The following PARD3B variants were observed in gnomAD, a reference collection of about 807,000 sequenced individuals.
PARD3B encodes the protein par-3 family cell polarity regulator beta.
In PARD3B, 103 loss-of-function variants were observed where a neutral mutation model predicts 130.2. That is an observed-to-expected ratio of 0.79 (90% confidence interval 0.67 to 0.93). The LOEUF (loss-of-function observed/expected upper bound fraction) is 0.93. PARD3B is among the 40% of genes least tolerant of loss of function. The pLI, the probability that PARD3B is intolerant of heterozygous loss-of-function variation, is 0.00. For missense variants in PARD3B, 1,609 were observed against 1,499.2 expected (o/e 1.07, Z -1.21); for synonymous variants, 583 against 553.2 (o/e 1.05, Z -0.76).
intron 1 of PARD3B, among the ~76,000 whole-genome samples, chr2:204,658,235 G>A (rs1008749691): frequency 6.6e-6 from 1 of 152,096 alleles, no homozygotes; most frequent in Non-Finnish European, 1.5e-5. Context: ...GATCCTTCAA[G>A]TCAAACTATT....
intron 2 of PARD3B, among the ~76,000 whole-genome samples, chr2:204,803,764 C>G (rs936913087): frequency 6.6e-6 from 1 of 152,048 alleles, no homozygotes; most frequent in African/African-American, 2.4e-5. Flanking sequence ...ACCACATTCA[C>G]TAAAACGAAG....
At chr2:204,975,933 C>T (rs1478923989) in intron 3 of PARD3B, among the ~76,000 whole-genome samples, 1 of 152,128 alleles carries the variant, frequency 6.6e-6, no homozygotes, top group Non-Finnish European at 1.5e-5. Context: ...CCTTTAAAAA[C>T]TTAAATTTAT....
At chr2:204,608,864 G>A (rs1378607924) in intron 1 of PARD3B, among the ~76,000 whole-genome samples, 2 of 152,186 alleles carry the variant, frequency 1.3e-5, no homozygotes, top group Non-Finnish European at 2.9e-5. Flanking sequence ...TTACTGTGTT[G>A]TGGGTGAGAG....
intron 2 of PARD3B, among the ~76,000 whole-genome samples, chr2:204,959,107 C>T (rs1274662948): frequency 6.6e-6 from 1 of 151,990 alleles, no homozygotes; most frequent in Non-Finnish European, 1.5e-5. Flanking sequence ...AGGTGTTTGT[C>T]GTGATGCTCT....
intron 1 of PARD3B, among the ~76,000 whole-genome samples, chr2:204,681,456 C>T (rs1186637979): frequency 6.6e-6 from 1 of 152,180 alleles, no homozygotes; most frequent in Non-Finnish European, 1.5e-5. Flanking sequence ...AGCCTCAGCC[C>T]ATGTTCTTCT....
chr2:205,188,980 A>G (rs192353631), intron 14 of PARD3B, among the ~76,000 whole-genome samples: 2 of 152,328 alleles, frequency 1.3e-5, no homozygotes, highest in East Asian at 1.9e-4. Context: ...ATTATTACAG[A>G]AAAGTTTATA....
intron 1 of PARD3B, among the ~76,000 whole-genome samples, chr2:204,640,730 C>T (rs1015210691): frequency 6.6e-6 from 1 of 151,978 alleles, no homozygotes; most frequent in African/African-American, 2.4e-5. Context: ...GATAGACCAG[C>T]TCTCTCATTT....
chr2:205,608,404 G>T (rs2055097938), intron 22 of PARD3B, among the ~76,000 whole-genome samples: 1 of 152,236 alleles, frequency 6.6e-6, no homozygotes, highest in Non-Finnish European at 1.5e-5. Flanking sequence ...AAGTTAGGAT[G>T]ATTTGTTCCT....
chr2:205,230,453 G>A lies in PARD3B; in HGVS notation c.2141-15325G>A, dbSNP rs1211635529. On this transcript the variant is annotated intron_variant, in intron 15 of 22. Coordinates refer to ENST00000406610, the MANE Select transcript of PARD3B (RefSeq NM_001302769.2). The surrounding 1 kb of genome is among the most constrained non-coding windows in gnomAD (Gnocchi z 4.1). ...CCAGGAGCTAAAGCCTAGAATGGGGGCCCCAGGACTCTGCCCAGTGCCCCC... is the reference window on the plus strand; with the variant it reads ...CCAGGAGCTAAAGCCTAGAATGGGGACCCCAGGACTCTGCCCAGTGCCCCC... Among the ~76,000 whole-genome samples, 2 of 152,142 alleles carry A rather than the reference G, an allele frequency of 1.3e-5. No individual in the cohort carries two copies. The highest frequency in any genetic ancestry group is 2.9e-5 in the Non-Finnish European group (2 of 68,022).
chr2:204,985,059 A>T (rs1030481721), intron 3 of PARD3B, among the ~76,000 whole-genome samples: 1 of 152,092 alleles, frequency 6.6e-6, no homozygotes, highest in African/African-American at 2.4e-5. Flanking sequence ...TACAAATTCA[A>T]TGGTAATATT....
chr2:204,576,699 A>G lies in PARD3B; in HGVS notation c.120+30580A>G, dbSNP rs534189437. ...CCAGTGAGACTTTTCCACAATAAAC[A>G]TGTCTAGTTTCTACCCACTCCCACA... On this transcript the variant is annotated intron_variant, in intron 1 of 22. Coordinates refer to ENST00000406610, the MANE Select transcript of PARD3B (RefSeq NM_001302769.2). Among the ~76,000 whole-genome samples, 37 of 152,228 alleles carry G rather than the reference A, an allele frequency of 2.4e-4. No individual in the cohort carries two copies. In the South Asian group the frequency reaches 7.5e-3, roughly 31 times the overall value.
intron 4 of PARD3B, among the ~76,000 whole-genome samples, chr2:205,054,972 C>T (rs938404113): frequency 6.6e-5 from 10 of 152,102 alleles, no homozygotes; most frequent in African/African-American, 2.2e-4. Context: ...TGTGCAGTAT[C>T]TCTATTAGCT....
chr2:205,184,246 G>A lies in PARD3B; in HGVS notation c.1925-1518G>A, dbSNP rs562024712. On this transcript the variant is annotated intron_variant, in intron 13 of 22. Coordinates refer to ENST00000406610, the MANE Select transcript of PARD3B (RefSeq NM_001302769.2). ...TAAAATTAACCATCATATCCAGCAC[G>A]TGGACAAGCCAAAGCAGGTTTTATC... Among the ~76,000 whole-genome samples the A allele has an allele frequency of 3.9e-5, 6 of 152,236 alleles. No individual in the cohort carries two copies. In the East Asian group the frequency reaches 5.8e-4, roughly 15 times the overall value.
chr2:204,956,283 G>A (rs1690230558), intron 2 of PARD3B, among the ~76,000 whole-genome samples: 1 of 152,198 alleles, frequency 6.6e-6, no homozygotes, highest in African/African-American at 2.4e-5. Flanking sequence ...GCTTTGGCTA[G>A]AGAGAAGAAG....
rs539583858 is a variant in PARD3B at position 205,259,592 on chromosome 2, T to C, written c.2185+13770T>C. Among the ~76,000 whole-genome samples the C allele has an allele frequency of 1.8e-4, 28 of 152,308 alleles. 1 individual carries two copies. The highest frequency in any genetic ancestry group is 6.7e-4 in the African/African-American group (28 of 41,576). ...ATGTGGTATGACTCCCATGGCTTTA[T>C]ATCAATGTTTTTTATCACTTCTGGG... On this transcript the variant is annotated intron_variant, in intron 16 of 22. Coordinates refer to ENST00000406610, the MANE Select transcript of PARD3B (RefSeq NM_001302769.2).
chr2:204,789,876 T>C (rs2042140042), intron 2 of PARD3B, among the ~76,000 whole-genome samples: 1 of 151,408 alleles, frequency 6.6e-6, no homozygotes, highest in South Asian at 2.1e-4. Context: ...TTTCTTCTTT[T>C]TTTTTTTTTT....
intron 21 of PARD3B, among the ~76,000 whole-genome samples, chr2:205,514,989 C>T (rs771450266): frequency 6.6e-6 from 1 of 151,952 alleles, no homozygotes; most frequent in Non-Finnish European, 1.5e-5. Context: ...CTCCCTCCCC[C>T]GACCTTCCAC....
intron 20 of PARD3B, among the ~76,000 whole-genome samples, chr2:205,445,903 A>G (rs1028727469): frequency 6.6e-6 from 1 of 152,176 alleles, no homozygotes; most frequent in Non-Finnish European, 1.5e-5. Context: ...AGTATCCACT[A>G]AGGGTCAGGG....
intron 18 of PARD3B, among the ~76,000 whole-genome samples, chr2:205,348,565 A>G (rs1340741186): frequency 6.6e-6 from 1 of 152,222 alleles, no homozygotes; most frequent in Non-Finnish European, 1.5e-5. Flanking sequence ...AATGGCAGGT[A>G]GGTGATCAAA....
Sources: gnomAD v4.1 joint callset for allele counts (sites outside exome capture counted in the v4.1 genomes callset) on GRCh38, gnomAD v4.1.1 for gene constraint, Gnocchi (gnomAD v3.1) non-coding constraint, MANE v1.5 for transcripts, NCBI Gene and HGNC (gene_info 2026-07-23, HGNC 2026-07-21) for gene names.